Variants in MPZL1 observed in about 807,000 individuals in gnomAD.
MPZL1 encodes the protein myelin protein zero-like protein 1.
In MPZL1, 16 loss-of-function variants were observed where a neutral mutation model predicts 29.3. The ratio of observed to expected loss-of-function variants is 0.55; its 90% CI spans 0.37 to 0.83. MPZL1 has a LOEUF of 0.83. MPZL1 is among the 40% of genes least tolerant of loss of function. The pLI, the probability that MPZL1 is intolerant of heterozygous loss-of-function variation, is 0.00. For synonymous variants in MPZL1, 143 were observed against 132.0 expected, an observed-to-expected ratio of 1.08 and a Z score of -0.57; for missense variants, 279 against 332.9, an observed-to-expected ratio of 0.84 and a Z score of 1.26.
Position 167,772,398 on chromosome 1 carries a change from A to G in MPZL1, c.382A>G (p.Ile128Val). Residue 128 changes from isoleucine to valine, a missense_variant, in exon 3 of 6, where the codon ATA becomes GTA. By Grantham distance (29) the Ile-to-Val change is conservative. Coordinates refer to ENST00000359523, the MANE Select transcript of MPZL1 (RefSeq NM_003953.6). ...AATCAACATAGAAAATATGCAGTTTATACACAATGGCACCTATATCTGTGA... is the reference window on the plus strand; with the variant it reads ...AATCAACATAGAAAATATGCAGTTTGTACACAATGGCACCTATATCTGTGA... ...ASINIENMQF[I>V]HNGTYICDVK... The G allele has an allele frequency of 1.2e-6, 2 of 1,614,116 alleles. No homozygotes were observed. Among genetic ancestry groups the G allele is most frequent in the Non-Finnish European group, 1.7e-6 (2 of 1,179,952 alleles).
At chr1:167,785,148 T>G (rs1661567485) in intron 5 of MPZL1, among the ~76,000 whole-genome samples, 4 of 152,204 alleles carry the variant, frequency 2.6e-5, no homozygotes, top group Non-Finnish European at 5.9e-5. Context: ...TGTGGATTGG[T>G]CGAGCAGATT....
rs1341350319 is a variant in MPZL1 at position 167,789,597 on chromosome 1, C to G, written c.*1676C>G. 6.6e-6 allele frequency: 1 copy of G among 152,220 alleles called. No individual in the cohort carries two copies. 9.4% of individuals were successfully genotyped at this position (152,220 alleles called of 1,614,324 possible). ...GCTTCAAAACTAATGCTGTTGCATA[C>G]ATGAAGCCTTTTGTTTTTTGAGGAG... On this transcript the variant is annotated 3_prime_UTR_variant, in exon 6 of 6. Coordinates refer to ENST00000359523, the MANE Select transcript of MPZL1 (RefSeq NM_003953.6).
At chr1:167,724,166 A>G (rs142726576) in intron 1 of MPZL1, among the ~76,000 whole-genome samples, 132 of 152,312 alleles carry the variant, frequency 8.7e-4, no homozygotes, top group African/African-American at 3.1e-3. Flanking sequence ...AGTTCAGGCT[A>G]CTGGAGGAAG....
At chr1:167,757,434 A>G (rs921280274) in intron 1 of MPZL1, among the ~76,000 whole-genome samples, 11 of 152,196 alleles carry the variant, frequency 7.2e-5, no homozygotes, top group Non-Finnish European at 1.6e-4. Context: ...TAAAATATAT[A>G]CCAAAGAGTG....
chr1:167,760,747 CTGTGTGTGTGTGTG>C (rs58963124), intron 1 of MPZL1, among the ~76,000 whole-genome samples: 23 of 120,194 alleles, frequency 1.9e-4, no homozygotes, highest in Admixed American at 4.4e-4. Context: ...GTTGAATAGG[CTGTGTGTGTGTGTG>C]TGTGTGTGTG....
chr1:167,773,973 A>G (rs1434751233), intron 4 of MPZL1: 1 of 152,318 alleles, frequency 6.6e-6, no homozygotes, highest in Non-Finnish European at 1.5e-5. Flanking sequence ...GCCCAGTGTG[A>G]TGATGGTGCA....
At chr1:167,748,265 G>C (rs961469674) in intron 1 of MPZL1, among the ~76,000 whole-genome samples, 7 of 152,140 alleles carry the variant, frequency 4.6e-5, no homozygotes, top group Non-Finnish European at 8.8e-5. Flanking sequence ...CATCAACAAT[G>C]TAGAGAGTTC....
chr1:167,753,295 T>C (rs1660794852), intron 1 of MPZL1, among the ~76,000 whole-genome samples: 1 of 152,220 alleles, frequency 6.6e-6, no homozygotes, highest in Non-Finnish European at 1.5e-5. Flanking sequence ...CCAACAGCCT[T>C]TGCCAAATGT....
intron 5 of MPZL1, among the ~76,000 whole-genome samples, chr1:167,785,856 T>G (rs1661581614): frequency 6.6e-6 from 1 of 152,174 alleles, no homozygotes; most frequent in African/African-American, 2.4e-5. Flanking sequence ...GCAGTGGCGC[T>G]ATCTTGGCTC....
chr1:167,751,447 A>C (rs1482562448), intron 1 of MPZL1, among the ~76,000 whole-genome samples: 1 of 152,172 alleles, frequency 6.6e-6, no homozygotes, highest in Admixed American at 6.5e-5. Flanking sequence ...AGGTGGGCGG[A>C]TCACTTGAGG....
At chr1:167,757,383 C>T (rs1255865130) in intron 1 of MPZL1, among the ~76,000 whole-genome samples, 1 of 152,202 alleles carries the variant, frequency 6.6e-6, no homozygotes, top group African/African-American at 2.4e-5. Context: ...TTACTAATGT[C>T]TTCCTGTGTC....
chr1:167,739,267 A>T (rs1660451170), intron 1 of MPZL1, among the ~76,000 whole-genome samples: 1 of 98,194 alleles, frequency 1.0e-5, no homozygotes, highest in Non-Finnish European at 1.9e-5. Flanking sequence ...ATACACATAC[A>T]TATATACATA....
chr1:167,754,930 C>G (rs12562970), intron 1 of MPZL1, among the ~76,000 whole-genome samples: 32,953 of 152,096 alleles, frequency 0.22, 3,882 homozygotes, highest in East Asian at 0.42. Flanking sequence ...GTACAGATTT[C>G]CCATCTGTCT....
chr1:167,728,498 G>A (rs1046369601), intron 1 of MPZL1, among the ~76,000 whole-genome samples: 10 of 151,580 alleles, frequency 6.6e-5, no homozygotes, highest in Non-Finnish European at 1.5e-4. Flanking sequence ...ATGAGCCACC[G>A]TGCCCAACCT....
chr1:167,762,726 T>C (rs1661014909), intron 1 of MPZL1, among the ~76,000 whole-genome samples: 1 of 152,222 alleles, frequency 6.6e-6, no homozygotes, highest in Non-Finnish European at 1.5e-5. Flanking sequence ...GGTATGACCA[T>C]AGAAATGAGT....
rs916876161 is a variant in MPZL1 at position 167,788,461 on chromosome 1, G to A, written c.*540G>A. 4.6e-5 allele frequency: 7 copies of A among 152,546 alleles called. No homozygotes were observed. The highest frequency in any genetic ancestry group is 2.6e-4 in the Admixed American group (4 of 15,284). 9.4% of individuals were successfully genotyped at this position (152,546 alleles called of 1,614,324 possible). A position where few individuals can be genotyped will look rare whatever the true frequency, so the allele number is the denominator to read the frequency against. On this transcript the variant is annotated 3_prime_UTR_variant, in exon 6 of 6. Coordinates refer to ENST00000359523, the MANE Select transcript of MPZL1 (RefSeq NM_003953.6). ...AAAATACCCATTGGCTATGCCACTT[G>A]AAAACAATTTGAGAAGTTTTTTTGA...
rs115642428 is a variant in MPZL1, at chr1:167,763,234, G to T, written c.92-2349G>T. On this transcript the variant is annotated intron_variant, in intron 1 of 5. Coordinates refer to ENST00000359523, the MANE Select transcript of MPZL1 (RefSeq NM_003953.6). The stretch of plus-strand genomic sequence containing the variant: ...TGGTTTAAGAAAATCCTTGAAGAAG[G>T]CTGGGTGCGGTGGCTCACGCCTGTA... Among the ~76,000 whole-genome samples the T allele has an allele frequency of 9.2e-3, 1,394 of 152,326 alleles. 19 individuals are homozygous for T. Among genetic ancestry groups the T allele is most frequent in the African/African-American group, 0.03 (1,243 of 41,574 alleles).
intron 1 of MPZL1, among the ~76,000 whole-genome samples, chr1:167,764,907 A>G (rs1661079222): frequency 6.6e-6 from 1 of 152,362 alleles, no homozygotes; most frequent in Non-Finnish European, 1.5e-5. Flanking sequence ...ATGCTGTATA[A>G]TTTTAACTAG....
At chr1:167,777,954 T>G (rs1661406730) in intron 5 of MPZL1, among the ~76,000 whole-genome samples, 1 of 152,132 alleles carries the variant, frequency 6.6e-6, no homozygotes, top group Non-Finnish European at 1.5e-5. Context: ...TACAACAAAA[T>G]CCAACACGCT....
Sources: gnomAD v4.1 joint callset for allele counts (sites outside exome capture counted in the v4.1 genomes callset) on GRCh38, gnomAD v4.1.1 for gene constraint, MANE v1.5 for transcripts, NCBI Gene and HGNC (gene_info 2026-07-23, HGNC 2026-07-21) for gene names.